The following OTOP1 variants were observed in gnomAD, a reference collection of about 807,000 sequenced individuals.
OTOP1 encodes proton channel OTOP1.
OTOP1 carries 59 observed loss-of-function variants against 52.9 expected under a neutral mutation model. The observed-to-expected ratio is 1.12, with a 90% CI of 0.91 to 1.39. The LOEUF is 1.39. Ranked by LOEUF, OTOP1 falls within the 40% of genes most tolerant of loss-of-function variation. The pLI, the probability that OTOP1 is intolerant of heterozygous loss-of-function variation, is 0.00. For missense variants in OTOP1, 761 were observed against 800.9 expected, an observed-to-expected ratio of 0.95 and a Z score of 0.60; for synonymous variants, 317 against 337.7, an observed-to-expected ratio of 0.94 and a Z score of 0.67.
At chr4:4,200,269 G>A (rs1355594712) in intron 4 of OTOP1, among the ~76,000 whole-genome samples, 1 of 152,014 alleles carries the variant, frequency 6.6e-6, no homozygotes, top group African/African-American at 2.4e-5. Context: ...GCCGAGGCGG[G>A]CGGATCACAA....
intron 1 of OTOP1, among the ~76,000 whole-genome samples, chr4:4,223,948 A>G (rs983860052): frequency 2.0e-5 from 3 of 151,658 alleles, no homozygotes; most frequent in African/African-American, 7.3e-5. Context: ...AGGAAGAGAA[A>G]GAGAGGAGAG....
In OTOP1 at chr4:4,197,844, C is replaced by T. The variant is rs1716683411; in HGVS notation, c.990G>A (p.Val330=). The T allele has an allele frequency of 2.5e-6, 4 of 1,613,984 alleles. No homozygotes were observed. The highest frequency in any genetic ancestry group is 3.4e-6 in the Non-Finnish European group (4 of 1,179,996). The change falls in exon 5 of 6, where the codon GTG becomes GTA. Residue 330 remains valine (V), a synonymous_variant. Coordinates refer to ENST00000296358, the MANE Select transcript of OTOP1 (RefSeq NM_177998.3). ...TVLAATIAVV[V]VYLIHIGRSK... The stretch of plus-strand genomic sequence containing the variant: ...AGCGCCCAATATGAATCAGGTATAC[C>T]ACCACCACAGCAATGGTGGCGGCCA...
chr4:4,198,869 A>C (rs1019884275), intron 4 of OTOP1, among the ~76,000 whole-genome samples: 6 of 152,198 alleles, frequency 3.9e-5, no homozygotes, highest in African/African-American at 1.4e-4. Context: ...CCTTCTACTC[A>C]AAGGGACAAA....
intron 5 of OTOP1, among the ~76,000 whole-genome samples, chr4:4,193,154 C>A (rs1716550160): frequency 6.6e-6 from 1 of 152,138 alleles, no homozygotes; most frequent in Admixed American, 6.5e-5. Context: ...GGCTCGCAGG[C>A]CCTGTGTGGT....
chr4:4,200,846 C>G (rs1303642659), intron 4 of OTOP1, among the ~76,000 whole-genome samples: 3 of 151,802 alleles, frequency 2.0e-5, no homozygotes, highest in African/African-American at 7.3e-5. Context: ...GCATGAGTCA[C>G]TGCCCCCGAT....
At chr4:4,224,397 TAGGG>T (rs1717379117) in intron 1 of OTOP1, among the ~76,000 whole-genome samples, 1 of 116,870 alleles carries the variant, frequency 8.6e-6, no homozygotes, top group Non-Finnish European at 1.7e-5. Flanking sequence ...GGCGAGGGAA[TAGGG>T]AGGGAGGGAG....
chr4:4,203,121 G>C (rs747386931), intron 3 of OTOP1, among the ~76,000 whole-genome samples: 1 of 152,260 alleles, frequency 6.6e-6, no homozygotes, highest in South Asian at 2.1e-4. Flanking sequence ...ATTCTGGCCA[G>C]TGAGATATGA....
chr4:4,213,159 C>A lies in OTOP1; in HGVS notation c.404-155G>T, dbSNP rs1717062294. Among the ~76,000 whole-genome samples, 3 of 152,308 alleles carry A rather than the reference C, an allele frequency of 2.0e-5. No individual in the cohort carries two copies. The South Asian group carries it at 6.2e-4, about 32-fold the overall frequency. ...CCGAGACCATTCAATGGGAAAAGGGCAGTCTTTTCAACAAATGTGGTGGGA... is the reference window on the plus strand; with the variant it reads ...CCGAGACCATTCAATGGGAAAAGGGAAGTCTTTTCAACAAATGTGGTGGGA... On this transcript the variant is annotated intron_variant, in intron 1 of 5. Transcript: ENST00000296358.
At chr4:4,224,535 T>C (rs566951177) in intron 1 of OTOP1, among the ~76,000 whole-genome samples, 35 of 152,302 alleles carry the variant, frequency 2.3e-4, no homozygotes, top group Admixed American at 2.2e-3. Context: ...ATGTGTATAA[T>C]ACTTTTTAGC....
rs768518537 is a variant in OTOP1 at position 4,213,001 on chromosome 4, C to T, written c.407G>A (p.Ser136Asn). ...THAGAGWLRG[S>N]ITLFAVITVI... Reference sequence around the variant, plus strand: ...GGTAATGACTGCAAACAATGTGATACTACCTAAATGTGGGATGAAGGGGGA... The same window carrying T: ...GGTAATGACTGCAAACAATGTGATATTACCTAAATGTGGGATGAAGGGGGA... The change falls in exon 2 of 6, where the codon AGT (serine) becomes AAT (asparagine). Residue 136 changes from serine (S) to asparagine (N), a missense_variant. By Grantham distance (46) the Ser-to-Asn change is conservative. Transcript: ENST00000296358. 1 of 1,613,846 alleles carries T rather than the reference C, an allele frequency of 6.2e-7. No individual in the cohort carries two copies. The highest frequency in any genetic ancestry group is 2.2e-5 in the East Asian group (1 of 44,878).
intron 1 of OTOP1, among the ~76,000 whole-genome samples, chr4:4,223,409 A>AGACG (rs57616253): frequency 1.3e-5 from 2 of 149,002 alleles, no homozygotes; most frequent in Admixed American, 6.7e-5. Flanking sequence ...ATGGACGGAC[A>AGACG]GATGGATGGA....
rs530240958 is a variant in OTOP1, at chr4:4,220,265, A to T, written c.403+6197T>A. On this transcript the variant is annotated intron_variant, in intron 1 of 5. Transcript: ENST00000296358. ...TTAACTGCTGGTAATAAAAAAACAG[A>T]ACGGAAAATTTCAGAACTAGATAGA... Among the ~76,000 whole-genome samples the T allele has an allele frequency of 5.9e-5, 9 of 151,784 alleles. No homozygotes were observed. In the South Asian group the frequency reaches 1.9e-3, roughly 32 times the overall value.
At chr4:4,214,969 A>G (rs187789775) in intron 1 of OTOP1, among the ~76,000 whole-genome samples, 7,019 of 152,290 alleles carry the variant, frequency 0.046, 536 homozygotes, top group African/African-American at 0.16. Flanking sequence ...GTTTTACCAC[A>G]ATTAAAAATA....
intron 1 of OTOP1, among the ~76,000 whole-genome samples, chr4:4,220,086 T>C (rs1577185204): frequency 1.1e-5 from 1 of 92,174 alleles, no homozygotes; most frequent in African/African-American, 6.1e-5. Flanking sequence ...TATACATATA[T>C]ATATATATAT....
intron 4 of OTOP1, 60 bp downstream of exon 4, chr4:4,202,388 T>C: frequency 3.7e-6 from 6 of 1,605,468 alleles, no homozygotes; most frequent in Admixed American, 1.7e-5. Context: ...CTGTGGACTC[T>C]GCAGGTTTCC....
At position 4,208,345 on chromosome 4, in the gene OTOP1, C is replaced by G. The variant is rs556942628; in HGVS notation, c.541-2215G>C. On this transcript the variant is annotated intron_variant, in intron 2 of 5. Coordinates refer to ENST00000296358, the MANE Select transcript of OTOP1 (RefSeq NM_177998.3). The stretch of plus-strand genomic sequence containing the variant: ...GGAGGCAGGTTTGCCTGACGCAGTT[C>G]CCAGCTTGACTTTTCCCTTTGGCTT... 4.6e-5 allele frequency among the ~76,000 whole-genome samples: 7 copies of G among 152,302 alleles called. No individual in the cohort carries two copies. In the South Asian group the frequency reaches 1.5e-3, roughly 32 times the overall value.
rs771617555 is a variant in OTOP1, at chr4:4,212,843, A to G, written c.540+25T>C. The G allele has an allele frequency of 5.6e-6, 9 of 1,612,874 alleles. No individual in the cohort carries two copies. The African/African-American group carries it at 1.2e-4, about 22-fold the overall frequency. On this transcript the variant is annotated intron_variant, in intron 2 of 5. Transcript: ENST00000296358. ...GGATACACTTCATAGGAATGAGACA[A>G]TATAAATAAACATCAGTGGTTTACC... is the stretch of plus-strand genomic sequence containing the variant.
At chr4:4,217,343 C>A (rs1160522339) in intron 1 of OTOP1, among the ~76,000 whole-genome samples, 1 of 152,192 alleles carries the variant, frequency 6.6e-6, no homozygotes, top group African/African-American at 2.4e-5. Context: ...GATGAGCTGG[C>A]AACAGACTTT....
At position 4,221,333 on chromosome 4, in the gene OTOP1, G is replaced by A. The variant is rs193298757; in HGVS notation, c.403+5129C>T. Among the ~76,000 whole-genome samples, 279 of 152,238 alleles carry A rather than the reference G, an allele frequency of 1.8e-3. 1 individual carries two copies. Among genetic ancestry groups the A allele is most frequent in the African/African-American group, 6.4e-3 (267 of 41,542 alleles). Reference sequence around the variant, plus strand: ...AGCTATTCGGGTGGCTGAGGTGGGAGGAGCTCTTGAGCCCCAGAATTTGAG... The same window carrying A: ...AGCTATTCGGGTGGCTGAGGTGGGAAGAGCTCTTGAGCCCCAGAATTTGAG... On this transcript the variant is annotated intron_variant, in intron 1 of 5. Coordinates refer to ENST00000296358, the MANE Select transcript of OTOP1 (RefSeq NM_177998.3).
Sources: allele counts gnomAD v4.1 joint callset (sites outside exome capture counted in the v4.1 genomes callset), GRCh38; gene constraint gnomAD v4.1.1; transcripts MANE v1.5; gene names NCBI Gene and HGNC (gene_info 2026-07-23, HGNC 2026-07-21).